SECISBP2: variants seen among roughly 807,000 people sequenced by gnomAD.
SECISBP2 encodes the protein selenocysteine insertion sequence-binding protein 2.
In SECISBP2, 96 loss-of-function variants were observed where a neutral mutation model predicts 98.2. The ratio of observed to expected loss-of-function variants is 0.98; its 90% confidence interval spans 0.83 to 1.16. SECISBP2 has a LOEUF of 1.16. Ranked by LOEUF, SECISBP2 falls within the 50% of genes most tolerant of loss-of-function variation. SECISBP2 has a pLI of 0.00. For missense variants in SECISBP2, 1,046 were observed against 1,022.9 expected, an observed-to-expected ratio of 1.02 and a Z score of -0.31; for synonymous variants, 407 against 370.2, an observed-to-expected ratio of 1.10 and a Z score of -1.14.
chr9:89,319,291 C>G (rs1825271083), intron 1 of SECISBP2, among the ~76,000 whole-genome samples: 1 of 152,186 alleles, frequency 6.6e-6, no homozygotes, highest in Admixed American at 6.5e-5. Context: ...TGTAGTTAAA[C>G]AGTCCACGTG....
intron 5 of SECISBP2, chr9:89,329,089 T>G (rs752070501): frequency 3.4e-6 from 2 of 586,240 alleles, no homozygotes; most frequent in Non-Finnish European, 6.0e-6. Context: ...CTAGTGCAGC[T>G]ATTGTTTTAT....
intron 13 of SECISBP2, 50 bp downstream of exon 13, chr9:89,349,979 G>A (rs372961717): frequency 2.8e-5 from 44 of 1,598,886 alleles, no homozygotes; most frequent in African/African-American, 8.0e-5. Flanking sequence ...GAAGTGCTTC[G>A]GTTCAGTATG....
chr9:89,342,343 A>G (rs961003493), intron 10 of SECISBP2, among the ~76,000 whole-genome samples: 1 of 151,764 alleles, frequency 6.6e-6, no homozygotes, highest in African/African-American at 2.4e-5. Flanking sequence ...TGGGAATGTA[A>G]AATGGTGCAG....
At position 89,350,686 on chromosome 9, in the gene SECISBP2, C is replaced by CA; in HGVS notation, c.1950dup (p.Glu651ArgfsTer20). On this transcript the variant is annotated frameshift_variant, in exon 14 of 17. Transcript: ENST00000375807. LOFTEE classifies it high-confidence loss of function. ...TGGATGCTTGTGTTACCGACCTACT[C>CA]AAAGAACTGGTCCGTTTCCAAGACC... is the stretch of plus-strand genomic sequence containing the variant. 1 of 1,614,194 alleles carries CA rather than the reference C, an allele frequency of 6.2e-7. No homozygotes were observed. Among genetic ancestry groups the CA allele is most frequent in the East Asian group, 2.2e-5 (1 of 44,882 alleles).
intron 7 of SECISBP2, among the ~76,000 whole-genome samples, chr9:89,335,956 A>G (rs1413388374): frequency 6.6e-6 from 1 of 152,142 alleles, no homozygotes; most frequent in Non-Finnish European, 1.5e-5. Flanking sequence ...CTAGTAGCAA[A>G]ATAATTGAAT....
chr9:89,319,577 T>G, intron 1 of SECISBP2, 75 bp from the exon 2 acceptor site: 1 of 1,544,090 alleles, frequency 6.5e-7, no homozygotes. Flanking sequence ...TAGGAACACC[T>G]CTTGGGTCTT....
At chr9:89,344,215 C>T (rs371508831) in intron 10 of SECISBP2, among the ~76,000 whole-genome samples, 25 of 152,152 alleles carry the variant, frequency 1.6e-4, no homozygotes, top group African/African-American at 5.8e-4. Context: ...GCTATTAGAC[C>T]TTTGTCCGAT....
chr9:89,336,878 TCTC>T (rs1304399749), intron 7 of SECISBP2, among the ~76,000 whole-genome samples: 2 of 149,092 alleles, frequency 1.3e-5, no homozygotes. Flanking sequence ...TTCAAGCAAT[TCTC>T]CTGCCTTAGT....
At position 89,328,664 on chromosome 9, in the gene SECISBP2, T is replaced by G; in HGVS notation, c.579T>G (p.Gly193=). The change falls in exon 5 of 17, where the codon GGT becomes GGG. Residue 193 remains glycine, a synonymous_variant. Transcript: ENST00000375807. The part of the protein sequence containing the change: ...IYAENSLKSD[G]YHKRTDRKSR... ...CTTTTAATTTTGTAATTACAGATGG[T>G]TACCATAAGCGAACAGACAGGAAAT... 2 of 1,613,388 alleles carry G rather than the reference T, an allele frequency of 1.2e-6. No homozygotes were observed. Among genetic ancestry groups the G allele is most frequent in the Non-Finnish European group, 1.7e-6 (2 of 1,179,262 alleles).
chr9:89,318,733 C>T (rs1825139205), intron 1 of SECISBP2, 121 bp downstream of exon 1: 10 of 1,235,120 alleles, frequency 8.1e-6, no homozygotes, highest in South Asian at 5.9e-5. Flanking sequence ...GGTGACGGCA[C>T]GGGAGCGCCC....
chr9:89,366,803 A>C, the SECISBP2 span, among the ~76,000 whole-genome samples: 3 of 152,194 alleles, frequency 2.0e-5, no homozygotes, highest in African/African-American at 4.8e-5. Flanking sequence ...AGTGAGTTCT[A>C]TAAAAGCCCG....
intron 1 of SECISBP2, chr9:89,319,203 A>G: frequency 3.0e-6 from 1 of 333,036 alleles, no homozygotes; most frequent in South Asian, 7.0e-5. Context: ...GTGGTTCATG[A>G]GTAAAATGCA....
chr9:89,348,812 T>C (rs889894642), intron 12 of SECISBP2, among the ~76,000 whole-genome samples: 1 of 152,270 alleles, frequency 6.6e-6, no homozygotes, highest in Non-Finnish European at 1.5e-5. Flanking sequence ...TACGTGCTGC[T>C]CTCTTTGTCC....
At position 89,342,587 on chromosome 9, in the gene SECISBP2, T is replaced by A. The variant is rs192946576; in HGVS notation, c.1435+1108T>A. Among the ~76,000 whole-genome samples, 235 of 152,286 alleles carry A rather than the reference T, an allele frequency of 1.5e-3. 1 individual carries two copies. Among genetic ancestry groups the A allele is most frequent in the African/African-American group, 5.4e-3 (226 of 41,570 alleles). ...TACCTACACAATGTAATATGCAACC[T>A]TAAAAAAGGAATGAATTCTTATACA... On this transcript the variant is annotated intron_variant, in intron 10 of 16. Transcript: ENST00000375807.
At chr9:89,352,171 C>T (rs1831373539) in intron 14 of SECISBP2, among the ~76,000 whole-genome samples, 1 of 152,176 alleles carries the variant, frequency 6.6e-6, no homozygotes, top group Admixed American at 6.5e-5. Flanking sequence ...GCTTAATTGT[C>T]TATATACTTA....
At chr9:89,360,947 CAGG>C (rs1442530852), downstream of SECISBP2, 1 of 152,174 alleles carries the variant, frequency 6.6e-6, no homozygotes, top group African/African-American at 2.4e-5. Flanking sequence ...ATCCAGACTT[CAGG>C]AGAAGAGACA....
At chr9:89,354,855 CG>C in intron 14 of SECISBP2, 1 of 985,344 alleles carries the variant, frequency 1.0e-6, no homozygotes, top group Non-Finnish European at 1.2e-6. Context: ...TCTGATGTTA[CG>C]GGGGACTTCA....
intron 5 of SECISBP2, among the ~76,000 whole-genome samples, chr9:89,331,310 A>G (rs979172073): frequency 1.3e-5 from 2 of 152,230 alleles, no homozygotes; most frequent in Admixed American, 1.3e-4. Context: ...TTATTTAACC[A>G]TTCTTGAACA....
chr9:89,347,636 GC>G (rs1304594727), intron 11 of SECISBP2, among the ~76,000 whole-genome samples: 1 of 152,058 alleles, frequency 6.6e-6, no homozygotes, highest in Non-Finnish European at 1.5e-5. Flanking sequence ...GTGCCATCAT[GC>G]CCAGCTAATT....
Sources: allele counts gnomAD v4.1 joint callset (sites outside exome capture counted in the v4.1 genomes callset), GRCh38; gene constraint gnomAD v4.1.1; transcripts MANE v1.5; gene names NCBI Gene and HGNC (gene_info 2026-07-23, HGNC 2026-07-21).